The following VSTM5 variants were observed in gnomAD, a reference collection of about 807,000 sequenced individuals.
The protein encoded by VSTM5 is V-set and transmembrane domain containing 5.
A neutral mutation model predicts 20.3 loss-of-function variants in VSTM5; 21 were observed. The observed-to-expected ratio is 1.03, with a 90% CI of 0.73 to 1.49. The LOEUF (loss-of-function observed/expected upper bound fraction) is 1.49. Among genes scored for constraint, VSTM5 ranks in the 40% most tolerant of loss-of-function variants. The pLI, the probability that VSTM5 is intolerant of heterozygous loss-of-function variation, is 0.00. For synonymous variants in VSTM5, 100 were observed against 102.5 expected, an observed-to-expected ratio of 0.98 and a Z score of 0.14; for missense variants, 219 against 250.0, an observed-to-expected ratio of 0.88 and a Z score of 0.84.
At chr11:93,833,380 A>T (rs531008215) in intron 1 of VSTM5, among the ~76,000 whole-genome samples, 15 of 152,224 alleles carry the variant, frequency 9.9e-5, no homozygotes, top group Admixed American at 7.2e-4. Flanking sequence ...GGAGTTCAAG[A>T]CCAGCCTAGA....
chr11:93,843,998 G>GCA (rs1205171431), intron 1 of VSTM5, among the ~76,000 whole-genome samples: 1 of 152,132 alleles, frequency 6.6e-6, no homozygotes, highest in Non-Finnish European at 1.5e-5. Context: ...GGCTCCCACA[G>GCA]CACAGCTCAC....
chr11:93,821,237 G>C lies in VSTM5; in HGVS notation c.178C>G (p.His60Asp). 8 of 1,551,952 alleles carry C rather than the reference G, an allele frequency of 5.2e-6. No individual in the cohort carries two copies. Among genetic ancestry groups the C allele is most frequent in the Non-Finnish European group, 7.0e-6 (8 of 1,147,044 alleles). ...GTCCATTCGATGGTGGGCACTCCAT[G>C]ACAGGAGTACTCAACTGAGAGCAGG... Reference protein sequence around the residue: ...DILLSVEYSCHGVPTIEWTYS... With the variant: ...DILLSVEYSCDGVPTIEWTYS... Residue 60 changes from histidine to aspartate, a missense_variant, in exon 2 of 4, where the codon CAT becomes GAT. Transcript: ENST00000409977.
At chr11:93,823,914 CT>C (rs55797713) in intron 1 of VSTM5, among the ~76,000 whole-genome samples, 1 of 146,948 alleles carries the variant, frequency 6.8e-6, no homozygotes, top group Admixed American at 6.8e-5. Context: ...TTGTATGGCA[CT>C]TTTTTTTTTT....
intron 1 of VSTM5, among the ~76,000 whole-genome samples, chr11:93,840,369 T>C (rs1944360969): frequency 6.6e-6 from 1 of 152,218 alleles, no homozygotes; most frequent in South Asian, 2.1e-4. Context: ...AAACTTCCCA[T>C]GTGTTTCCAG....
intron 1 of VSTM5, among the ~76,000 whole-genome samples, chr11:93,831,298 G>A (rs1944282398): frequency 6.6e-6 from 1 of 152,064 alleles, no homozygotes; most frequent in Non-Finnish European, 1.5e-5. Flanking sequence ...CCAAGTGCTA[G>A]GATTACAGGC....
chr11:93,836,548 C>G (rs571089728), intron 1 of VSTM5, among the ~76,000 whole-genome samples: 1 of 151,332 alleles, frequency 6.6e-6, no homozygotes, highest in East Asian at 1.9e-4. Flanking sequence ...GGCTACTCCC[C>G]CTGCCTGCTC....
chr11:93,848,796 G>A (rs764431482), intron 1 of VSTM5, among the ~76,000 whole-genome samples: 2 of 152,204 alleles, frequency 1.3e-5, no homozygotes, highest in South Asian at 2.1e-4. Flanking sequence ...GTCAATGAGT[G>A]AGTGAATGAA....
intron 1 of VSTM5, among the ~76,000 whole-genome samples, chr11:93,836,894 C>G (rs1944327286): frequency 6.6e-6 from 1 of 151,970 alleles, no homozygotes; most frequent in African/African-American, 2.4e-5. Context: ...GTATGGGGTA[C>G]AGAACCCAGG....
intron 1 of VSTM5, among the ~76,000 whole-genome samples, chr11:93,826,961 CT>C (rs1944243598): frequency 6.6e-6 from 1 of 152,090 alleles, no homozygotes; most frequent in African/African-American, 2.4e-5. Flanking sequence ...TAATTTAAAT[CT>C]TCTTGAATTT....
In VSTM5 at chr11:93,820,620, G is replaced by A. The variant is rs771861650; in HGVS notation, c.560-8C>T. 1 of 1,551,686 alleles carries A rather than the reference G, an allele frequency of 6.4e-7. No individual in the cohort carries two copies. The highest frequency in any genetic ancestry group is 8.7e-7 in the Non-Finnish European group (1 of 1,147,026). ...TCTCCTCAGTTGTGCTTTCTGTAAA[G>A]CAAAGACAAGTCAATGAGTTGGAAA... On this transcript the variant is annotated splice_region_variant and splice_polypyrimidine_tract_variant and intron_variant, in intron 3 of 3. Transcript: ENST00000409977.
chr11:93,845,164 A>G (rs1469029188), intron 1 of VSTM5, among the ~76,000 whole-genome samples: 6 of 152,232 alleles, frequency 3.9e-5, no homozygotes, highest in Non-Finnish European at 7.3e-5. Flanking sequence ...AAAGCAAAAC[A>G]AAACAGTGTC....
intron 1 of VSTM5, among the ~76,000 whole-genome samples, chr11:93,843,209 A>T (rs56007285): frequency 0.023 from 3,512 of 152,244 alleles, 140 homozygotes; most frequent in African/African-American, 0.079. Context: ...CTGTTTAAAC[A>T]TCATTTCCTC....
rs950749335 is a variant in VSTM5, at chr11:93,820,733, A to G, written c.559+10T>C. ...CCACTCATGGATTATCACAAGGCCC[A>G]GGGGGTTACCTTTGAGTTTGTGTCT... On this transcript the variant is annotated intron_variant, in intron 3 of 3. Transcript: ENST00000409977. 1 of 1,551,634 alleles carries G rather than the reference A, an allele frequency of 6.4e-7. No individual in the cohort carries two copies. The highest frequency in any genetic ancestry group is 1.4e-5 in the African/African-American group (1 of 73,052).
intron 1 of VSTM5, among the ~76,000 whole-genome samples, chr11:93,840,915 T>TG (rs1944365332): frequency 6.6e-6 from 1 of 151,566 alleles, no homozygotes; most frequent in South Asian, 2.1e-4. Flanking sequence ...CACCAAGGTC[T>TG]GGGGCAGGGA....
At chr11:93,821,632 G>C (rs1944187553) in intron 1 of VSTM5, 1 of 352,628 alleles carries the variant, frequency 2.8e-6, no homozygotes, top group African/African-American at 2.1e-5. Context: ...CAGTATATGG[G>C]GAGCCCTTCT....
intron 1 of VSTM5, among the ~76,000 whole-genome samples, chr11:93,825,261 T>C (rs941960683): frequency 6.6e-6 from 1 of 151,900 alleles, no homozygotes; most frequent in African/African-American, 2.4e-5. Flanking sequence ...TTGACCTCCC[T>C]GGGGTTAAGG....
intron 1 of VSTM5, among the ~76,000 whole-genome samples, chr11:93,838,243 C>T (rs1353219975): frequency 2.0e-5 from 3 of 152,040 alleles, no homozygotes; most frequent in Non-Finnish European, 4.4e-5. Flanking sequence ...AGGCCTAAGG[C>T]GGGTGGATCA....
At chr11:93,835,612 A>G (rs964831978) in intron 1 of VSTM5, among the ~76,000 whole-genome samples, 1 of 152,164 alleles carries the variant, frequency 6.6e-6, no homozygotes, top group East Asian at 1.9e-4. Flanking sequence ...CTATGCATGC[A>G]GCTCTGAGTC....
intron 2 of VSTM5, 32 bp from the exon 3 acceptor site, chr11:93,820,915 C>A: frequency 6.4e-7 from 1 of 1,550,888 alleles, no homozygotes; most frequent in Non-Finnish European, 8.7e-7. Flanking sequence ...AGGGGGAAGA[C>A]AACATTTCTT....
Sources: gnomAD v4.1 joint callset for allele counts (sites outside exome capture counted in the v4.1 genomes callset) on GRCh38, gnomAD v4.1.1 for gene constraint, MANE v1.5 for transcripts, NCBI Gene and HGNC (gene_info 2026-07-23, HGNC 2026-07-21) for gene names.